Variants in MYO16 observed in about 807,000 individuals in gnomAD.
MYO16 encodes unconventional myosin-XVI.
In MYO16, 94 loss-of-function variants were observed where a neutral mutation model predicts 205.3. The observed-to-expected ratio is 0.46, with a 90% CI of 0.39 to 0.54. The LOEUF is 0.54. MYO16 is among the 20% of genes least tolerant of loss of function. The pLI is 0.00. For missense variants in MYO16, 2,315 were observed against 2,387.5 expected (o/e 0.97, Z 0.63); for synonymous variants, 988 against 954.0 (o/e 1.04, Z -0.66).
chr13:108,882,611 T>G (rs1879671986), intron 12 of MYO16, among the ~76,000 whole-genome samples: 1 of 152,218 alleles, frequency 6.6e-6, no homozygotes, highest in African/African-American at 2.4e-5. Flanking sequence ...TAATTTTTGT[T>G]TTTCTGAGAA....
rs901587939 is a variant in MYO16 at position 109,055,065 on chromosome 13, C to T, written c.3068C>T (p.Thr1023Ile). The T allele has an allele frequency of 6.4e-7, 1 of 1,573,452 alleles. No homozygotes were observed. Among genetic ancestry groups the T allele is most frequent in the African/African-American group, 1.4e-5 (1 of 72,540 alleles). The change falls in exon 26 of 35, where the codon ACT (threonine) becomes ATT (isoleucine). Residue 1023 changes from threonine (T) to isoleucine (I), a missense_variant. Around this residue, in one of 3 missense-constraint regions of MYO16, gnomAD observed 1,213 missense variants for 1,274.4 expected, o/e 0.95. Transcript: ENST00000457511. This position sits in a 1 kb window ranked among gnomAD's most constrained non-coding sequence, Gnocchi z 5.0. ...TTACAGTTATTAAAAAAGAAAGGAA[C>T]TTCTACATTTCTTCAAAGATTGGAA... Reference protein sequence around the residue: ...ELSKLLKKKGTSTFLQRLERG... With the variant: ...ELSKLLKKKGISTFLQRLERG...
chr13:109,107,456 A>G (rs1234255706), intron 28 of MYO16, among the ~76,000 whole-genome samples: 1 of 152,162 alleles, frequency 6.6e-6, no homozygotes, highest in African/African-American at 2.4e-5. Flanking sequence ...AGGTTTTATT[A>G]TTTCATTAAT....
At chr13:108,757,653 C>T (rs1186261662) in intron 4 of MYO16, among the ~76,000 whole-genome samples, 7 of 152,190 alleles carry the variant, frequency 4.6e-5, no homozygotes, top group Non-Finnish European at 8.8e-5. Context: ...CAACAGGCCC[C>T]AGTGTGTGAT....
In MYO16 at chr13:108,727,447, G is replaced by A. The variant is rs765205344; in HGVS notation, c.371G>A (p.Arg124Gln). The change falls in exon 4 of 35, where the codon CGG becomes CAG. Residue 124 changes from arginine to glutamine, a missense_variant. Arg to Gln is a conservative substitution (Grantham distance 43). This residue lies in a region of MYO16 where 1,213 missense variants were observed against 1,274.4 expected (regional missense o/e 0.95). Transcript: ENST00000457511. Reference protein sequence around the residue: ...SGGSLLHLCARYDNAFIAEIL... With the variant: ...SGGSLLHLCAQYDNAFIAEIL... ...TTGTATTCTTTCTTTTAGTGTGCTC[G>A]GTATGATAATGCCTTCATTGCAGAA... 10 of 1,613,030 alleles carry A rather than the reference G, an allele frequency of 6.2e-6. No individual in the cohort carries two copies. Among genetic ancestry groups the A allele is most frequent in the East Asian group, 2.2e-5 (1 of 44,852 alleles).
At chr13:108,500,085 C>G in the MYO16 span, among the ~76,000 whole-genome samples, 1 of 151,928 alleles carries the variant, frequency 6.6e-6, no homozygotes, top group Non-Finnish European at 1.5e-5. Context: ...CTGGCCTCCA[C>G]GTCTGCATCT....
At chr13:108,920,089 T>C (rs919240978) in intron 16 of MYO16, among the ~76,000 whole-genome samples, 2 of 152,198 alleles carry the variant, frequency 1.3e-5, no homozygotes, top group Non-Finnish European at 2.9e-5. Context: ...GTGAACTGTG[T>C]AATCCAGCTT....
chr13:108,819,379 T>A (rs196170), intron 7 of MYO16, among the ~76,000 whole-genome samples: 4,255 of 152,282 alleles, frequency 0.028, 187 homozygotes, highest in African/African-American at 0.094. Flanking sequence ...CGATAGGATT[T>A]CATTTCTATG....
chr13:109,052,498 T>A, intron 25 of MYO16, 23 bp downstream of exon 25: 1 of 1,518,540 alleles, frequency 6.6e-7, no homozygotes, highest in Non-Finnish European at 9.0e-7. Flanking sequence ...ATGATTATTG[T>A]TGGATTATTT....
At chr13:108,538,968 T>C in the MYO16 span, among the ~76,000 whole-genome samples, 7 of 152,132 alleles carry the variant, frequency 4.6e-5, no homozygotes, top group Non-Finnish European at 1.0e-4. Flanking sequence ...GAATAGTGTG[T>C]ACCACTCAGT....
intron 13 of MYO16, among the ~76,000 whole-genome samples, chr13:108,887,571 A>T (rs1490255008): frequency 2.6e-5 from 4 of 152,158 alleles, no homozygotes; most frequent in Non-Finnish European, 5.9e-5. Context: ...TACCATTTTT[A>T]AAAATTGGGT....
chr13:108,949,642 TAAC>T (rs1297042517), intron 16 of MYO16, among the ~76,000 whole-genome samples: 1 of 152,192 alleles, frequency 6.6e-6, no homozygotes, highest in African/African-American at 2.4e-5. Context: ...GTTAAAATCT[TAAC>T]AATATTAAGA....
rs1197790416 is a variant in MYO16, at chr13:109,041,223, G to T, written c.2797-5693G>T. 6.6e-5 allele frequency among the ~76,000 whole-genome samples: 10 copies of T among 152,074 alleles called. No individual in the cohort carries two copies. The East Asian group carries it at 1.9e-3, about 29-fold the overall frequency. On this transcript the variant is annotated intron_variant, in intron 23 of 34. Transcript: ENST00000457511. ...AATTAAAGATCTAGATAAAAAGAAA[G>T]ACATTTCATGTTTATAGATTTGAAG...
Position 108,614,830 on chromosome 13 carries a change from A to T in MYO16, c.-39+18591A>T, listed in dbSNP as rs372323437. Among the ~76,000 whole-genome samples the T allele has an allele frequency of 8.1e-5, 9 of 110,772 alleles. No homozygotes were observed. In the East Asian group the frequency reaches 3.0e-3, roughly 37 times the overall value. 72.7% of individuals were successfully genotyped at this position (110,772 alleles called of 152,430 possible). A position where few individuals can be genotyped will look rare whatever the true frequency, so the allele number is the denominator to read the frequency against. On this transcript the variant is annotated intron_variant, in intron 1 of 24. Transcript: ENST00000251041. ...ACACAAATTAACAAAAAAATAGACC[A>T]TGGAACTAAATGCAGTGGCTACAGT...
chr13:108,903,856 A>G (rs1227003389), intron 15 of MYO16, among the ~76,000 whole-genome samples: 1 of 152,204 alleles, frequency 6.6e-6, no homozygotes, highest in Non-Finnish European at 1.5e-5. Flanking sequence ...AAAATAGTTA[A>G]TCAAATTGGA....
intron 23 of MYO16, among the ~76,000 whole-genome samples, chr13:109,034,828 C>A (rs553873887): frequency 6.6e-6 from 1 of 152,112 alleles, no homozygotes; most frequent in Non-Finnish European, 1.5e-5. Flanking sequence ...CATTCCTAGC[C>A]CCCTAAAATA....
At chr13:108,525,324 G>A in the MYO16 span, among the ~76,000 whole-genome samples, 414 of 152,300 alleles carry the variant, frequency 2.7e-3, 3 homozygotes, top group African/African-American at 9.1e-3. Flanking sequence ...TGAAGTGCAC[G>A]TCAGGTGTTA....
chr13:108,696,618 C>A (rs1883100145), intron 2 of MYO16, among the ~76,000 whole-genome samples: 1 of 152,082 alleles, frequency 6.6e-6, no homozygotes, highest in Non-Finnish European at 1.5e-5. Flanking sequence ...GAGGGAACTT[C>A]CTGGGATGAT....
chr13:108,829,930 C>A (rs1283396568), intron 9 of MYO16, among the ~76,000 whole-genome samples: 1 of 148,778 alleles, frequency 6.7e-6, no homozygotes, highest in Non-Finnish European at 1.5e-5. Flanking sequence ...ACAAACAACC[C>A]CATCAAAAAG....
intron 3 of MYO16, among the ~76,000 whole-genome samples, chr13:108,726,220 T>C (rs1044183789): frequency 6.6e-6 from 1 of 152,232 alleles, no homozygotes; most frequent in Non-Finnish European, 1.5e-5. Flanking sequence ...AAACTAATTG[T>C]ACTAATATGC....
Sources: gnomAD v4.1 joint callset for allele counts (sites outside exome capture counted in the v4.1 genomes callset) on GRCh38, gnomAD v4.1.1 for gene constraint, gnomAD v4.1.1 regional missense constraint, Gnocchi (gnomAD v3.1) non-coding constraint, MANE v1.5 for transcripts, NCBI Gene and HGNC (gene_info 2026-07-23, HGNC 2026-07-21) for gene names.